SPPL3: variants seen among roughly 807,000 people sequenced by gnomAD.
SPPL3 encodes the protein signal peptide peptidase like 3.
SPPL3 carries 5 observed loss-of-function variants against 42.4 expected under a neutral mutation model. That is an observed-to-expected ratio of 0.12 (90% CI 0.06 to 0.25). The LOEUF (loss-of-function observed/expected upper bound fraction) is 0.25, where lower values mean the gene tolerates loss of function less well. Among genes scored for constraint, SPPL3 ranks in the 10% least tolerant of loss-of-function variants. SPPL3 has a pLI of 1.00. For synonymous variants in SPPL3, 195 were observed against 181.8 expected, an observed-to-expected ratio of 1.07 and a Z score of -0.58; for missense variants, 235 against 489.0, an observed-to-expected ratio of 0.48 and a Z score of 4.90.
rs928661410 is a variant in SPPL3 at position 120,874,491 on chromosome 12, T to A, written c.23+29354A>T. ...AAAAAGAATAAAAGAAATAAGTGAG[T>A]AAATGTAAAAGACATGTTTAAAACA... On this transcript the variant is annotated intron_variant, in intron 1 of 10. Coordinates refer to ENST00000353487, the MANE Select transcript of SPPL3 (RefSeq NM_139015.5). 6.2e-5 allele frequency among the ~76,000 whole-genome samples: 9 copies of A among 144,490 alleles called. No homozygotes were observed. In the South Asian group the frequency reaches 2.0e-3, roughly 32 times the overall value. 94.8% of individuals were successfully genotyped at this position (144,490 alleles called of 152,430 possible). A position where few individuals can be genotyped will look rare whatever the true frequency, so the allele number is the denominator to read the frequency against.
rs1164272443 is a variant in SPPL3, at chr12:120,779,820, C to CAAAAAA, written c.502+2829_502+2834dup. Among the ~76,000 whole-genome samples, 213 of 42,776 alleles carry CAAAAAA rather than the reference C, an allele frequency of 5.0e-3. 15 individuals are homozygous for CAAAAAA. Among genetic ancestry groups the CAAAAAA allele is most frequent in the African/African-American group, 0.012 (143 of 11,446 alleles). The allele number at this position is 42,776 out of a possible 152,430, so 28.1% of individuals were successfully genotyped here. A position where few individuals can be genotyped will look rare whatever the true frequency, so the allele number is the denominator to read the frequency against. On this transcript the variant is annotated intron_variant, in intron 6 of 10. Transcript: ENST00000353487. The stretch of plus-strand genomic sequence containing the variant: ...CGAAACCTTGTCTCTACTAAAAATA[C>CAAAAAA]AAAAAAAAAAAAAAAAAAAAAAAAA...
intron 1 of SPPL3, among the ~76,000 whole-genome samples, chr12:120,869,303 G>A (rs1301620271): frequency 6.6e-6 from 1 of 152,008 alleles, no homozygotes; most frequent in Non-Finnish European, 1.5e-5. Flanking sequence ...AGCCTTAAAT[G>A]AAAAAACATT....
chr12:120,879,173 G>C (rs2137056118), intron 1 of SPPL3, among the ~76,000 whole-genome samples: 1 of 149,744 alleles, frequency 6.7e-6, no homozygotes, highest in South Asian at 2.1e-4. Context: ...TAAAGCTACA[G>C]TTTAATACCT....
At chr12:120,879,776 C>T (rs2137056562) in intron 1 of SPPL3, among the ~76,000 whole-genome samples, 1 of 152,082 alleles carries the variant, frequency 6.6e-6, no homozygotes, top group South Asian at 2.1e-4. Context: ...ATGGGAAAAA[C>T]ACCACCTACA....
intron 2 of SPPL3, among the ~76,000 whole-genome samples, chr12:120,808,148 G>A (rs1227190424): frequency 6.7e-6 from 1 of 149,126 alleles, no homozygotes; most frequent in African/African-American, 2.5e-5. Flanking sequence ...TACCCAGGCT[G>A]GAGTGCAATG....
At chr12:120,790,863 C>G (rs989123309) in intron 3 of SPPL3, among the ~76,000 whole-genome samples, 1 of 150,260 alleles carries the variant, frequency 6.7e-6, no homozygotes, top group African/African-American at 2.5e-5. Context: ...GCTCTTGTTG[C>G]CCAGGCTGGA....
intron 10 of SPPL3, among the ~76,000 whole-genome samples, 174 bp downstream of exon 10, chr12:120,766,089 A>AGT (rs1555246335): frequency 8.0e-4 from 114 of 142,670 alleles, no homozygotes; most frequent in Non-Finnish European, 1.5e-3. Flanking sequence ...ACGCCAGGGT[A>AGT]GCGCGCGCGC....
intron 1 of SPPL3, among the ~76,000 whole-genome samples, chr12:120,852,284 T>C (rs1872253289): frequency 6.7e-6 from 1 of 149,410 alleles, no homozygotes; most frequent in African/African-American, 2.4e-5. Flanking sequence ...ATTTGACATT[T>C]TCTATTAAAG....
rs3834930 is a variant in SPPL3, at chr12:120,764,318, TTATATATATA to T, written c.*671_*680del. 6.6e-6 allele frequency: 1 copy of T among 151,942 alleles called. No individual in the cohort carries two copies. Among genetic ancestry groups the T allele is most frequent in the Non-Finnish European group, 1.5e-5 (1 of 67,936 alleles). 9.4% of individuals were successfully genotyped at this position (151,942 alleles called of 1,614,324 possible). A position where few individuals can be genotyped will look rare whatever the true frequency, so the allele number is the denominator to read the frequency against. On this transcript the variant is annotated 3_prime_UTR_variant, in exon 11 of 11. Transcript: ENST00000353487. ...TATTCATATATATCTATGTGTGTGTTTATATATATATATGTACGTATGTATAAAAACCGTG... is the reference window on the plus strand; with the variant it reads ...TATTCATATATATCTATGTGTGTGTTTATGTACGTATGTATAAAAACCGTG...
At chr12:120,825,638 G>A (rs1204757471) in intron 1 of SPPL3, among the ~76,000 whole-genome samples, 1 of 152,202 alleles carries the variant, frequency 6.6e-6, no homozygotes, top group African/African-American at 2.4e-5. Context: ...AAATTATGGT[G>A]TACTTGAAGT....
chr12:120,842,350 G>A (rs1871860695), intron 1 of SPPL3, among the ~76,000 whole-genome samples: 1 of 152,002 alleles, frequency 6.6e-6, no homozygotes, highest in African/African-American at 2.4e-5. Flanking sequence ...CTAAGATAAG[G>A]GCAGAACATT....
chr12:120,903,819 C>T (rs1874067555), intron 1 of SPPL3, 26 bp downstream of exon 1: 3 of 1,466,002 alleles, frequency 2.0e-6, no homozygotes, highest in East Asian at 2.9e-5. Flanking sequence ...TTGCCGCCTC[C>T]CGGCCTCCCG....
At chr12:120,841,117 G>C (rs1011224568) in intron 1 of SPPL3, among the ~76,000 whole-genome samples, 1 of 152,122 alleles carries the variant, frequency 6.6e-6, no homozygotes, top group Admixed American at 6.5e-5. Context: ...CCTGAGGTCA[G>C]CAGTTCGAGA....
chr12:120,783,542 G>C, intron 5 of SPPL3, 132 bp downstream of exon 5: 1 of 755,030 alleles, frequency 1.3e-6, no homozygotes, highest in South Asian at 2.4e-5. Context: ...GATCAAATGT[G>C]TCACTTCCTG....
At chr12:120,868,051 T>C (rs1474377401) in intron 1 of SPPL3, among the ~76,000 whole-genome samples, 5 of 152,166 alleles carry the variant, frequency 3.3e-5, no homozygotes, top group Non-Finnish European at 5.9e-5. Context: ...CCAGCCTATG[T>C]ATAAAAATTA....
intron 1 of SPPL3, among the ~76,000 whole-genome samples, chr12:120,879,711 G>A (rs1318602874): frequency 6.6e-6 from 1 of 152,010 alleles, no homozygotes; most frequent in African/African-American, 2.4e-5. Flanking sequence ...AATGCTACAT[G>A]TGCCACTCAT....
chr12:120,773,043 C>CT (rs1303377949), intron 6 of SPPL3, among the ~76,000 whole-genome samples: 1 of 152,076 alleles, frequency 6.6e-6, no homozygotes, highest in African/African-American at 2.4e-5. Context: ...TGAAATGAAC[C>CT]TAATGAAATG....
chr12:120,852,004 T>G (rs1872239898), intron 1 of SPPL3, among the ~76,000 whole-genome samples: 1 of 152,220 alleles, frequency 6.6e-6, no homozygotes, highest in Non-Finnish European at 1.5e-5. Flanking sequence ...AATTTAGTGA[T>G]TTAATGCTGA....
intron 2 of SPPL3, among the ~76,000 whole-genome samples, chr12:120,797,743 A>AG (rs760695595): frequency 6.6e-6 from 1 of 152,196 alleles, no homozygotes; most frequent in African/African-American, 2.4e-5. Flanking sequence ...TATAATGAAG[A>AG]GGTAGGTCAT....
Sources: gnomAD v4.1 joint callset for allele counts (sites outside exome capture counted in the v4.1 genomes callset) on GRCh38, gnomAD v4.1.1 for gene constraint, MANE v1.5 for transcripts, NCBI Gene and HGNC (gene_info 2026-07-23, HGNC 2026-07-21) for gene names.